The following TAF6L variants were observed in gnomAD, a reference collection of about 807,000 sequenced individuals.
TAF6L encodes the protein TATA-box binding protein associated factor 6 like, also known as TAF6-like RNA polymerase II p300/CBP-associated factor-associated factor 65 kDa subunit 6L.
Under a neutral mutation model 57.3 loss-of-function variants are expected in TAF6L, and 34 were observed. The ratio of observed to expected loss-of-function variants is 0.59; its 90% CI spans 0.45 to 0.79. The LOEUF (loss-of-function observed/expected upper bound fraction) is 0.79. Among genes scored for constraint, TAF6L ranks in the 30% least tolerant of loss-of-function variants. The pLI is 0.00. For synonymous variants in TAF6L, 417 were observed against 376.3 expected (o/e 1.11, Z -1.25); for missense variants, 782 against 853.2 (o/e 0.92, Z 1.04).
intron 9 of TAF6L, among the ~76,000 whole-genome samples, chr11:62,784,741 T>C (rs939197651): frequency 3.3e-5 from 5 of 152,248 alleles, no homozygotes; most frequent in Non-Finnish European, 5.9e-5. Context: ...AAACAATCTT[T>C]ATAGTTCCAT....
intron 1 of TAF6L, among the ~76,000 whole-genome samples, chr11:62,773,694 C>T (rs924472017): frequency 3.9e-5 from 6 of 152,070 alleles, no homozygotes; most frequent in East Asian, 1.9e-4. Context: ...GTGATTCGCC[C>T]GCCTTGGCCT....
chr11:62,775,999 C>T lies in TAF6L; in HGVS notation c.147+69C>T, dbSNP rs75580437. 6,179 of 1,520,654 alleles carry T rather than the reference C, an allele frequency of 4.1e-3. 211 individuals carry two copies. In the African/African-American group the frequency reaches 0.078, roughly 19 times the overall value. 94.2% of individuals were successfully genotyped at this position (1,520,654 alleles called of 1,614,324 possible). A position where few individuals can be genotyped will look rare whatever the true frequency, so the allele number is the denominator to read the frequency against. On this transcript the variant is annotated intron_variant, in intron 2 of 10. Coordinates refer to ENST00000294168, the MANE Select transcript of TAF6L (RefSeq NM_006473.4). ...CTGCCTTTTTACTAACCTCCACCCT[C>T]GCTGATTTATTCAAGTGTACACTGG...
chr11:62,772,237 C>T (rs2084153966), intron 1 of TAF6L: 29 of 422,296 alleles, frequency 6.9e-5, no homozygotes, highest in South Asian at 4.8e-4. Flanking sequence ...CAGTGCTATT[C>T]GTGGCCGGGC....
chr11:62,786,407 C>T lies in TAF6L; in HGVS notation c.1089+19C>T. The T allele has an allele frequency of 1.2e-6, 2 of 1,609,668 alleles. No homozygotes were observed. Among genetic ancestry groups the T allele is most frequent in the South Asian group, 1.1e-5 (1 of 91,014 alleles). On this transcript the variant is annotated intron_variant, in intron 10 of 10. Transcript: ENST00000294168. The stretch of plus-strand genomic sequence containing the variant: ...CATTCTGGTGAGTACCGTCCCCTTC[C>T]AGCCTCCCTTCCCTGCATGAGCTTA...
At chr11:62,784,758 C>G (rs2134723498) in intron 9 of TAF6L, among the ~76,000 whole-genome samples, 1 of 152,276 alleles carries the variant, frequency 6.6e-6, no homozygotes, top group African/African-American at 2.4e-5. Context: ...CCATGATACA[C>G]TAAACTATGT....
At chr11:62,785,472 G>C (rs947119224) in intron 9 of TAF6L, among the ~76,000 whole-genome samples, 1 of 151,648 alleles carries the variant, frequency 6.6e-6, no homozygotes, top group Admixed American at 6.6e-5. Context: ...GATTACAGGC[G>C]TGAGCCACAG....
chr11:62,786,719 C>T lies in TAF6L; in HGVS notation c.1292C>T (p.Pro431Leu), dbSNP rs1219797652. The T allele has an allele frequency of 3.7e-6, 6 of 1,612,966 alleles. No individual in the cohort carries two copies. Among genetic ancestry groups the T allele is most frequent in the South Asian group, 1.1e-5 (1 of 91,064 alleles). Reference protein sequence around the residue: ...LPPGGAGPEDPSLSVTLADIY... With the variant: ...LPPGGAGPEDLSLSVTLADIY... ...CCAGGGGGCGCGGGGCCGGAGGACC[C>T]TTCTCTTTCGGTGACCCTGGCCGAC... The change falls in exon 11 of 11, where the codon CCT becomes CTT. Residue 431 changes from proline (P) to leucine (L), a missense_variant. Physicochemically the swap from Pro to Leu is moderately conservative, Grantham distance 98 (BLOSUM62 -3). Around this residue, in one of 3 missense-constraint regions of TAF6L, gnomAD observed 483 missense variants for 445.1 expected, o/e 1.09. Coordinates refer to ENST00000294168, the MANE Select transcript of TAF6L (RefSeq NM_006473.4).
At chr11:62,778,478 C>T in intron 5 of TAF6L, 143 bp downstream of exon 5, 1 of 989,224 alleles carries the variant, frequency 1.0e-6, no homozygotes, top group Non-Finnish European at 1.5e-6. Context: ...GGGCGCTGGG[C>T]TCTGCATGGA....
At position 62,787,269 on chromosome 11, in the gene TAF6L, G is replaced by C. The variant is rs146877070; in HGVS notation, c.1842G>C (p.Ser614=). The C allele has an allele frequency of 6.0e-5, 93 of 1,561,338 alleles. No individual in the cohort carries two copies. The highest frequency in any genetic ancestry group is 7.8e-5 in the Non-Finnish European group (91 of 1,162,242). The change falls in exon 11 of 11, where the codon TCG becomes TCC. Residue 614 remains serine (S), a synonymous_variant. Transcript: ENST00000294168. The stretch of plus-strand genomic sequence containing the variant: ...GCCCCGCCCGCCGGTGGGCGCTCTC[G>C]GACTACTCGCTGTACTTGCCGCTCT... The part of the protein sequence containing the change: ...TSRPARRWAL[S]DYSLYLPL
intron 1 of TAF6L, chr11:62,774,764 C>A: frequency 2.5e-6 from 1 of 393,502 alleles, no homozygotes. Context: ...GCCTGGCCAA[C>A]ATGGCGAAAT....
At chr11:62,774,139 T>C (rs1303137880) in intron 1 of TAF6L, among the ~76,000 whole-genome samples, 1 of 151,802 alleles carries the variant, frequency 6.6e-6, no homozygotes, top group Non-Finnish European at 1.5e-5. Context: ...TGCAGTGGCG[T>C]GATCTCGGCT....
At chr11:62,772,178 A>G in intron 1 of TAF6L, 1 of 456,088 alleles carries the variant, frequency 2.2e-6, no homozygotes, top group Non-Finnish European at 4.4e-6. Flanking sequence ...TATTGAGAAT[A>G]TAGTGAAGTA....
At chr11:62,771,610 C>T (rs2084147645) in intron 1 of TAF6L, 120 bp downstream of exon 1, 1 of 169,080 alleles carries the variant, frequency 5.9e-6, no homozygotes, top group Non-Finnish European at 1.3e-5. Context: ...GACCCAAGTT[C>T]AGTGACCCCT....
intron 5 of TAF6L, 77 bp downstream of exon 5, chr11:62,778,412 CCGAGTCTG>C: frequency 6.5e-7 from 1 of 1,544,512 alleles, no homozygotes; most frequent in Non-Finnish European, 8.9e-7. Flanking sequence ...CTATGTGCCC[CCGAGTCTG>C]CGTCTAACAT....
In TAF6L at chr11:62,782,536, C is replaced by G. The variant is rs566598238; in HGVS notation, c.828-157C>G. On this transcript the variant is annotated intron_variant, in intron 8 of 10. Coordinates refer to ENST00000294168, the MANE Select transcript of TAF6L (RefSeq NM_006473.4). Reference sequence around the variant, plus strand: ...TACGCCAAGGTATTGGTTCTTCAGCCCTCAGGTCCTAGGCCAGTCACCCCT... The same window carrying G: ...TACGCCAAGGTATTGGTTCTTCAGCGCTCAGGTCCTAGGCCAGTCACCCCT... 100 of 1,165,320 alleles carry G rather than the reference C, an allele frequency of 8.6e-5. 1 individual carries two copies. The African/African-American group carries it at 1.4e-3, about 16-fold the overall frequency. 72.2% of individuals were successfully genotyped at this position (1,165,320 alleles called of 1,614,324 possible).
At position 62,782,339 on chromosome 11, in the gene TAF6L, C is replaced by T. The variant is rs1209894450; in HGVS notation, c.827+6C>T. The T allele has an allele frequency of 6.2e-7, 1 of 1,612,728 alleles. No homozygotes were observed. The highest frequency in any genetic ancestry group is 1.7e-5 in the Admixed American group (1 of 59,962). On this transcript the variant is annotated splice_donor_region_variant and intron_variant, in intron 8 of 10. Transcript: ENST00000294168. ...CTGCTCAGCCACATCTTCTGGTAGCCACTGGGCCTAAACCTGCGGGTGGGA... is the reference window on the plus strand; with the variant it reads ...CTGCTCAGCCACATCTTCTGGTAGCTACTGGGCCTAAACCTGCGGGTGGGA...
chr11:62,786,791 G>A lies in TAF6L; in HGVS notation c.1364G>A (p.Arg455His), dbSNP rs1013976624. The A allele has an allele frequency of 3.1e-6, 5 of 1,610,832 alleles. No homozygotes were observed. The African/African-American group carries it at 4.0e-5, about 13-fold the overall frequency. ...TTCTTCGGTGACAGCTTGGCCACAC[G>A]CTTTGGCACCGGCCAGCCTGCACCC... ...YAFFGDSLATRFGTGQPAPTA... is the reference protein window; with the variant it reads ...YAFFGDSLATHFGTGQPAPTA... Residue 455 changes from arginine (R) to histidine (H), a missense_variant, in exon 11 of 11, where the codon CGC (arginine) becomes CAC (histidine). By Grantham distance (29) the Arg-to-His change is conservative. Around this residue, in one of 3 missense-constraint regions of TAF6L, gnomAD observed 483 missense variants for 445.1 expected, o/e 1.09. Coordinates refer to ENST00000294168, the MANE Select transcript of TAF6L (RefSeq NM_006473.4).
Position 62,787,004 on chromosome 11 carries a change from G to A in TAF6L, c.1577G>A (p.Arg526His). 1 of 1,483,340 alleles carries A rather than the reference G, an allele frequency of 6.7e-7. No homozygotes were observed. The allele number at this position is 1,483,340 out of a possible 1,614,324, so 91.9% of individuals were successfully genotyped here. A position where few individuals can be genotyped will look rare whatever the true frequency, so the allele number is the denominator to read the frequency against. ...GCCTCTGAGAGCAGGCCCTTGCCGC[G>A]CGTGCATCGGGCGCGCGGGGCACCC... ...PAASESRPLPRVHRARGAPRQ... is the reference protein window; with the variant it reads ...PAASESRPLPHVHRARGAPRQ... The change falls in exon 11 of 11, where the codon CGC becomes CAC. Residue 526 changes from arginine (R) to histidine (H), a missense_variant. Arg to His is a conservative substitution (Grantham distance 29). Transcript: ENST00000294168.
rs775213364 is a variant in TAF6L, at chr11:62,787,176, C to T, written c.1749C>T (p.Pro583=). ...CRGRLFQTAF[P]APYGPSPASR... is the part of the protein sequence containing the mutation. The stretch of plus-strand genomic sequence containing the variant: ...GGCGCCTTTTCCAGACTGCCTTCCC[C>T]GCGCCGTACGGGCCTAGCCCGGCCT... The change falls in exon 11 of 11, where the codon CCC becomes CCT. Residue 583 remains proline, a synonymous_variant. Coordinates refer to ENST00000294168, the MANE Select transcript of TAF6L (RefSeq NM_006473.4). 1 of 1,585,744 alleles carries T rather than the reference C, an allele frequency of 6.3e-7. No homozygotes were observed. The highest frequency in any genetic ancestry group is 1.7e-5 in the Admixed American group (1 of 58,754).
Sources: gnomAD v4.1 joint callset for allele counts (sites outside exome capture counted in the v4.1 genomes callset) on GRCh38, gnomAD v4.1.1 for gene constraint, gnomAD v4.1.1 regional missense constraint, MANE v1.5 for transcripts, NCBI Gene and HGNC (gene_info 2026-07-23, HGNC 2026-07-21) for gene names.